KIF3A: variants seen among roughly 807,000 people sequenced by gnomAD.
KIF3A encodes kinesin-like protein KIF3A.
In KIF3A, 27 loss-of-function variants were observed where a neutral mutation model predicts 92.6. That is an observed-to-expected ratio of 0.29 (90% CI 0.21 to 0.40). KIF3A has a LOEUF of 0.40. KIF3A is among the 10% of genes least tolerant of loss of function. The probability of loss-of-function intolerance (pLI) is 1.00; values close to 1 mark genes in which losing one functional copy is unlikely to be tolerated. For synonymous variants in KIF3A, 250 were observed against 275.4 expected (o/e 0.91, Z 0.92); for missense variants, 581 against 872.6 (o/e 0.67, Z 4.21).
At chr5:132,691,860 C>T (rs1342652940), downstream of KIF3A, among the ~76,000 whole-genome samples, 1 of 151,416 alleles carries the variant, frequency 6.6e-6, no homozygotes, top group Admixed American at 6.6e-5. Context: ...TAAGACTGTG[C>T]CACTGCACTC....
At chr5:132,734,529 T>A (rs1432908533) in intron 1 of KIF3A, 51 bp from the exon 2 acceptor site, 4 of 1,506,098 alleles carry the variant, frequency 2.7e-6, no homozygotes, top group Non-Finnish European at 1.8e-6. Context: ...ATTTTTACCC[T>A]CATCAGATTA....
chr5:132,714,246 A>G (rs1753535974), intron 8 of KIF3A, among the ~76,000 whole-genome samples: 1 of 152,182 alleles, frequency 6.6e-6, no homozygotes, highest in African/African-American at 2.4e-5. Context: ...TAGACAAAGC[A>G]GAATGGTTGT....
intron 1 of KIF3A, 86 bp from the exon 2 acceptor site, chr5:132,734,564 T>G (rs1941538184): frequency 4.8e-6 from 6 of 1,244,512 alleles, no homozygotes; most frequent in Non-Finnish European, 6.6e-6. Flanking sequence ...AAAAGGCTAC[T>G]TTTCCAACTC....
intron 1 of KIF3A, 86 bp downstream of exon 1, chr5:132,737,328 C>G (rs2149927297): frequency 3.4e-6 from 5 of 1,473,350 alleles, no homozygotes; most frequent in South Asian, 1.3e-5. Flanking sequence ...CGCCTGCCGG[C>G]TCCGCGCCTC....
chr5:132,705,863 A>G (rs1307241555), intron 11 of KIF3A, among the ~76,000 whole-genome samples: 1 of 152,108 alleles, frequency 6.6e-6, no homozygotes, highest in Non-Finnish European at 1.5e-5. Context: ...TGTATTTTTC[A>G]AAGGACTTTT....
At chr5:132,700,125 C>T in intron 17 of KIF3A, 91 bp downstream of exon 17, 2 of 736,716 alleles carry the variant, frequency 2.7e-6, no homozygotes, top group Non-Finnish European at 4.5e-6. Flanking sequence ...TAACAGATAT[C>T]AAGTTGATAA....
chr5:132,737,404 C>T lies in KIF3A; in HGVS notation c.6+10G>A. The T allele has an allele frequency of 1.2e-6, 2 of 1,608,602 alleles. No individual in the cohort carries two copies. Among genetic ancestry groups the T allele is most frequent in the Non-Finnish European group, 1.7e-6 (2 of 1,177,858 alleles). ...AGAAGAAACCCCAGAAGCGAAGCGA[C>T]TCTCCTCACCGGCATCTTGGCCCCC... is the stretch of plus-strand genomic sequence containing the variant. On this transcript the variant is annotated intron_variant, in intron 1 of 18. Transcript: ENST00000403231.
intron 8 of KIF3A, 110 bp downstream of exon 8, chr5:132,715,647 A>G: frequency 1.4e-6 from 1 of 689,958 alleles, no homozygotes. Context: ...TTTAACTACC[A>G]ATGTTAGAGG....
chr5:132,723,410 C>T (rs1197616230), intron 4 of KIF3A: 2 of 152,170 alleles, frequency 1.3e-5, no homozygotes, highest in Non-Finnish European at 2.9e-5. Flanking sequence ...TACTACAAGG[C>T]TACAGTAACC....
chr5:132,708,005 C>T (rs1256773456), intron 10 of KIF3A, among the ~76,000 whole-genome samples: 3 of 152,082 alleles, frequency 2.0e-5, no homozygotes, highest in Non-Finnish European at 2.9e-5. Context: ...TAAAATCAGC[C>T]GGGCGCAGTG....
intron 2 of KIF3A, among the ~76,000 whole-genome samples, chr5:132,728,208 CT>C (rs892328505): frequency 7.3e-5 from 11 of 150,704 alleles, no homozygotes; most frequent in African/African-American, 1.7e-4. Flanking sequence ...ACTTTACATG[CT>C]TTTTTTTTAA....
At chr5:132,709,136 T>C (rs1753327817) in intron 9 of KIF3A, among the ~76,000 whole-genome samples, 158 bp from the exon 10 acceptor site, 1 of 152,222 alleles carries the variant, frequency 6.6e-6, no homozygotes, top group Admixed American at 6.5e-5. Flanking sequence ...TAAAAACCAA[T>C]CTTGGTAGTT....
chr5:132,727,856 GT>G (rs1754087015), intron 2 of KIF3A, among the ~76,000 whole-genome samples: 1 of 152,064 alleles, frequency 6.6e-6, no homozygotes, highest in African/African-American at 2.4e-5. Flanking sequence ...TATGAAAACG[GT>G]TCCTCAACTA....
At chr5:132,727,360 T>A (rs141667204) in intron 2 of KIF3A, among the ~76,000 whole-genome samples, 17 of 152,284 alleles carry the variant, frequency 1.1e-4, no homozygotes, top group Middle Eastern at 3.4e-3. Context: ...AACAGGGAGT[T>A]CTAGATGGGA....
At chr5:132,731,682 A>G (rs1754235258) in intron 2 of KIF3A, among the ~76,000 whole-genome samples, 1 of 152,170 alleles carries the variant, frequency 6.6e-6, no homozygotes, top group Non-Finnish European at 1.5e-5. Flanking sequence ...TGGAAAGGAC[A>G]AAGTAAAAAC....
intron 1 of KIF3A, 124 bp from the exon 2 acceptor site, chr5:132,734,602 C>A (rs1754333319): frequency 5.5e-6 from 4 of 727,902 alleles, no homozygotes; most frequent in Non-Finnish European, 6.4e-6. Context: ...AAACACTTCA[C>A]AGGTATTTGT....
Position 132,696,613 on chromosome 5 carries a change from G to A in KIF3A, c.*21C>T. 1 of 1,505,046 alleles carries A rather than the reference G, an allele frequency of 6.6e-7. No individual in the cohort carries two copies. The highest frequency in any genetic ancestry group is 1.2e-5 in the South Asian group (1 of 86,480). The allele number at this position is 1,505,046 out of a possible 1,614,324, so 93.2% of individuals were successfully genotyped here. ...CATGAGAATATCACTAATTTTTATT[G>A]TGACTTTAAGTCTGTAACATTTACT... is the stretch of plus-strand genomic sequence containing the variant. On this transcript the variant is annotated 3_prime_UTR_variant, in exon 19 of 19. Coordinates refer to ENST00000403231, the MANE Select transcript of KIF3A (RefSeq NM_001300791.2).
intron 8 of KIF3A, 144 bp downstream of exon 8, chr5:132,715,613 C>A: frequency 1.7e-6 from 1 of 584,656 alleles, no homozygotes. Context: ...ATGTAAGTAC[C>A]AAGTCACTTT....
At chr5:132,716,750 T>C (rs1436189412) in intron 6 of KIF3A, 95 bp downstream of exon 6, 22 of 1,330,896 alleles carry the variant, frequency 1.7e-5, no homozygotes, top group Middle Eastern at 1.8e-4. Context: ...AAAAATCATA[T>C]GTAAATCATA....
Sources: gnomAD v4.1 joint callset for allele counts (sites outside exome capture counted in the v4.1 genomes callset) on GRCh38, gnomAD v4.1.1 for gene constraint, MANE v1.5 for transcripts, NCBI Gene and HGNC (gene_info 2026-07-23, HGNC 2026-07-21) for gene names.